The following SLC41A2 variants were observed in gnomAD, a reference collection of about 807,000 sequenced individuals.
SLC41A2 encodes solute carrier family 41 member 2, also known as SLC41A1-like 1.
A neutral mutation model predicts 58.3 loss-of-function variants in SLC41A2; 32 were observed. The ratio of observed to expected loss-of-function variants is 0.55; its 90% CI spans 0.41 to 0.74. SLC41A2 has a LOEUF of 0.74. SLC41A2 is among the 30% of genes least tolerant of loss of function. The pLI is 0.00. For synonymous variants in SLC41A2, 190 were observed against 235.0 expected (o/e 0.81, Z 1.75); for missense variants, 514 against 680.6 (o/e 0.76, Z 2.72).
In SLC41A2 at chr12:104,901,354, A is replaced by G. The variant is rs77810584; in HGVS notation, c.664-6009T>C. On this transcript the variant is annotated intron_variant, in intron 3 of 10. Transcript: ENST00000258538. ...ATTCATTTTCCAATTATACACTACT[A>G]TTACATACCTATAATATCTACTATA... is the stretch of plus-strand genomic sequence containing the variant. 2.7e-4 allele frequency among the ~76,000 whole-genome samples: 41 copies of G among 152,250 alleles called. No homozygotes were observed. In the East Asian group the frequency reaches 6.6e-3, roughly 24 times the overall value.
intron 8 of SLC41A2, among the ~76,000 whole-genome samples, chr12:104,857,325 G>A (rs1297421497): frequency 1.3e-5 from 2 of 152,192 alleles, no homozygotes; most frequent in Non-Finnish European, 2.9e-5. Context: ...AGAGACTCAC[G>A]TTTATGTTAG....
chr12:104,818,812 G>A (rs1235602950), intron 10 of SLC41A2, among the ~76,000 whole-genome samples: 2 of 152,254 alleles, frequency 1.3e-5, no homozygotes, highest in Non-Finnish European at 2.9e-5. Flanking sequence ...AGGGGGCAGA[G>A]GTTGCAGTAA....
At chr12:104,897,346 T>G (rs1294114636) in intron 3 of SLC41A2, among the ~76,000 whole-genome samples, 2 of 152,012 alleles carry the variant, frequency 1.3e-5, no homozygotes, top group Admixed American at 1.3e-4. Context: ...GGTTTCCCCA[T>G]GTTGGCCAGG....
chr12:104,940,598 C>CT (rs1269784094), intron 1 of SLC41A2, among the ~76,000 whole-genome samples: 1,980 of 143,818 alleles, frequency 0.014, 15 homozygotes, highest in African/African-American at 0.018. Context: ...CTTTTATCTC[C>CT]TTTTTTTTTT....
At chr12:104,904,703 T>G (rs2045732748) in intron 3 of SLC41A2, among the ~76,000 whole-genome samples, 2 of 147,214 alleles carry the variant, frequency 1.4e-5, no homozygotes, top group South Asian at 2.1e-4. Context: ...GGCTCAGGAG[T>G]GAAGCTGCAG....
intron 7 of SLC41A2, among the ~76,000 whole-genome samples, chr12:104,865,766 GTTC>G (rs2043413085): frequency 6.6e-6 from 1 of 152,020 alleles, no homozygotes; most frequent in Non-Finnish European, 1.5e-5. Context: ...TTTCTAGGTT[GTTC>G]TTCTCATCAG....
intron 10 of SLC41A2, among the ~76,000 whole-genome samples, chr12:104,822,618 A>G (rs192048593): frequency 6.6e-6 from 1 of 152,290 alleles, no homozygotes; most frequent in African/African-American, 2.4e-5. Flanking sequence ...AAACAAAAAC[A>G]AAAAATAGCC....
intron 2 of SLC41A2, among the ~76,000 whole-genome samples, chr12:104,911,358 C>T (rs1414003349): frequency 6.6e-6 from 1 of 152,076 alleles, no homozygotes; most frequent in Non-Finnish European, 1.5e-5. Flanking sequence ...AAATTGAGGC[C>T]TGTCTTGGAT....
At chr12:104,811,382 A>G (rs893063214) in intron 10 of SLC41A2, among the ~76,000 whole-genome samples, 8 of 152,350 alleles carry the variant, frequency 5.3e-5, no homozygotes, top group South Asian at 2.1e-4. Context: ...ATATATCTCA[A>G]AAGCACAAGA....
chr12:104,926,021 A>G (rs1009091819), intron 2 of SLC41A2, among the ~76,000 whole-genome samples: 1 of 152,130 alleles, frequency 6.6e-6, no homozygotes, highest in Non-Finnish European at 1.5e-5. Context: ...CCTTTCTCCA[A>G]CTGATGGTGG....
intron 10 of SLC41A2, among the ~76,000 whole-genome samples, chr12:104,835,516 C>T (rs563730934): frequency 6.5e-4 from 99 of 152,268 alleles, no homozygotes; most frequent in Non-Finnish European, 8.2e-4. Context: ...TTAGCTGAAA[C>T]GGCATTTTCT....
At chr12:104,879,175 G>C (rs1345655458) in intron 6 of SLC41A2, among the ~76,000 whole-genome samples, 1 of 152,060 alleles carries the variant, frequency 6.6e-6, no homozygotes, top group Non-Finnish European at 1.5e-5. Context: ...TTTTTTTCTT[G>C]TAAATTTAAG....
intron 8 of SLC41A2, among the ~76,000 whole-genome samples, chr12:104,852,363 C>G (rs2042833390): frequency 6.6e-6 from 1 of 152,098 alleles, no homozygotes; most frequent in African/African-American, 2.4e-5. Context: ...TCAATGCAAA[C>G]ACAGAAAGCA....
chr12:104,935,060 C>G (rs1219910666), intron 1 of SLC41A2, among the ~76,000 whole-genome samples: 1 of 152,172 alleles, frequency 6.6e-6, no homozygotes, highest in African/African-American at 2.4e-5. Context: ...CAGGTTCAAG[C>G]AATTCTCCTG....
At chr12:104,823,082 A>G (rs2041703072) in intron 10 of SLC41A2, among the ~76,000 whole-genome samples, 1 of 152,218 alleles carries the variant, frequency 6.6e-6, no homozygotes, top group African/African-American at 2.4e-5. Context: ...AGAAGTGACA[A>G]GTGTGAAAAC....
intron 4 of SLC41A2, 97 bp downstream of exon 4, chr12:104,895,155 TGGTGTTTCTGAAAACAATTAAA>T: frequency 3.2e-6 from 2 of 623,324 alleles, no homozygotes; most frequent in Non-Finnish European, 5.6e-6. Flanking sequence ...ATTATTGTTT[TGGTGTTTCTGAAAACAATTAAA>T]GGGTAGACTC....
intron 2 of SLC41A2, among the ~76,000 whole-genome samples, chr12:104,911,816 TG>T (rs1170831466): frequency 2.1e-4 from 15 of 72,882 alleles, no homozygotes; most frequent in Non-Finnish European, 3.7e-4. Context: ...AAGAAAGCAC[TG>T]GGTGGGGGGG....
intron 1 of SLC41A2, among the ~76,000 whole-genome samples, chr12:104,947,708 C>T (rs1040540312): frequency 6.6e-6 from 1 of 151,220 alleles, no homozygotes; most frequent in African/African-American, 2.4e-5. Flanking sequence ...ATATATATAC[C>T]AAAAAGTACA....
chr12:104,896,636 G>A (rs2045296636), intron 3 of SLC41A2, among the ~76,000 whole-genome samples: 1 of 152,200 alleles, frequency 6.6e-6, no homozygotes, highest in Admixed American at 6.5e-5. Context: ...AAGACATCAA[G>A]ACTCCAGGGT....
Sources: allele counts gnomAD v4.1 joint callset (sites outside exome capture counted in the v4.1 genomes callset), GRCh38; gene constraint gnomAD v4.1.1; transcripts MANE v1.5; gene names NCBI Gene and HGNC (gene_info 2026-07-23, HGNC 2026-07-21).